The following PGBD2 variants were observed in gnomAD, a reference collection of about 807,000 sequenced individuals.
PGBD2 encodes piggyBac transposable element-derived protein 2.
PGBD2 carries 6 observed loss-of-function variants against 8.1 expected under a neutral mutation model. The ratio of observed to expected loss-of-function variants is 0.74; its 90% CI spans 0.40 to 1.46. PGBD2 has a LOEUF of 1.46. PGBD2 is among the 40% of genes most tolerant of loss of function. The pLI is 0.02. For missense variants in PGBD2, 802 were observed against 739.0 expected (o/e 1.09, Z -0.99); for synonymous variants, 318 against 272.2 (o/e 1.17, Z -1.66).
rs1662114848 is a variant in PGBD2, at chr1:248,916,830, G to A, written c.246G>A (p.Glu82=). 4.3e-6 allele frequency: 7 copies of A among 1,614,060 alleles called. No homozygotes were observed. The East Asian group carries it at 1.3e-4, about 31-fold the overall frequency. Residue 82 remains glutamate (E), a synonymous_variant, in exon 3 of 3, where the codon GAG becomes GAA. Transcript: ENST00000329291. The stretch of plus-strand genomic sequence containing the variant: ...TGCTGCATGCTTCAGTCCTGTGTGA[G>A]GACTCTGGCACCGGGGAGGATAATG... The part of the protein sequence containing the change: ...GSVLHASVLC[E]DSGTGEDNDD...
intron 1 of PGBD2, among the ~76,000 whole-genome samples, chr1:248,912,438 CAA>C (rs1195473505): frequency 1.7e-4 from 26 of 152,266 alleles, no homozygotes; most frequent in African/African-American, 6.3e-4. Context: ...TCAGTTTCCT[CAA>C]TGGTTAAATG....
rs930465656 is a variant in PGBD2, at chr1:248,918,999, A to G, written c.*636A>G. 5 of 167,000 alleles carry G rather than the reference A, an allele frequency of 3.0e-5. No individual in the cohort carries two copies. Among genetic ancestry groups the G allele is most frequent in the Admixed American group, 1.3e-4 (2 of 15,276 alleles). 10.3% of individuals were successfully genotyped at this position (167,000 alleles called of 1,614,324 possible). Reference sequence around the variant, plus strand: ...AGTGTATTTTTATGGGTTACATGAGATATTCTGATACAAACATGCAATGTA... The same window carrying G: ...AGTGTATTTTTATGGGTTACATGAGGTATTCTGATACAAACATGCAATGTA... On this transcript the variant is annotated 3_prime_UTR_variant, in exon 3 of 3. Coordinates refer to ENST00000329291, the MANE Select transcript of PGBD2 (RefSeq NM_170725.3).
At chr1:248,878,320 C>CA in the PGBD2 span, among the ~76,000 whole-genome samples, 1 of 152,020 alleles carries the variant, frequency 6.6e-6, no homozygotes, top group Non-Finnish European at 1.5e-5. Flanking sequence ...GCTGGGACTA[C>CA]GGGGCCCGCC....
At chr1:248,906,770 G>A (rs964476461) in intron 1 of PGBD2, among the ~76,000 whole-genome samples, 4 of 152,050 alleles carry the variant, frequency 2.6e-5, no homozygotes, top group African/African-American at 4.8e-5. Context: ...GGCGCGCTGG[G>A]GGCGGGTCGT....
upstream of PGBD2, among the ~76,000 whole-genome samples, chr1:248,904,074 GT>G (rs11389084): frequency 3.4e-4 from 51 of 148,526 alleles, no homozygotes; most frequent in Non-Finnish European, 4.2e-4. Context: ...TTCTTTTTAT[GT>G]TTTTTTTTTA....
the PGBD2 span, among the ~76,000 whole-genome samples, chr1:248,930,042 C>T: frequency 6.6e-6 from 1 of 152,186 alleles, no homozygotes; most frequent in African/African-American, 2.4e-5. Flanking sequence ...GCAAAAGCTT[C>T]CTGTCTGCTC....
intron 1 of PGBD2, among the ~76,000 whole-genome samples, chr1:248,910,347 AG>A (rs1216184094): frequency 6.6e-6 from 1 of 152,202 alleles, no homozygotes; most frequent in Non-Finnish European, 1.5e-5. Flanking sequence ...ATTGCAGGTG[AG>A]GGGTTTTGAA....
chr1:248,923,708 G>A (rs565024080), downstream of PGBD2, among the ~76,000 whole-genome samples: 45 of 152,250 alleles, frequency 3.0e-4, no homozygotes, highest in South Asian at 4.6e-3. Context: ...CAATATAATC[G>A]TATGTGTTAA....
chr1:248,912,072 T>C (rs976628405), intron 1 of PGBD2, among the ~76,000 whole-genome samples: 1 of 152,176 alleles, frequency 6.6e-6, no homozygotes, highest in African/African-American at 2.4e-5. Flanking sequence ...GTCATCACCA[T>C]TTTGAAAATA....
the PGBD2 span, among the ~76,000 whole-genome samples, chr1:248,894,194 G>T: frequency 6.6e-6 from 1 of 151,928 alleles, no homozygotes; most frequent in East Asian, 1.9e-4. Context: ...TCATTCTTTG[G>T]GTTGTCTTTT....
chr1:248,924,126 A>G (rs1662340086), downstream of PGBD2, among the ~76,000 whole-genome samples: 1 of 152,230 alleles, frequency 6.6e-6, no homozygotes, highest in African/African-American at 2.4e-5. Flanking sequence ...GCGTGGGAGC[A>G]GTGTGAGCCA....
chr1:248,915,704 T>C (rs1662074830), intron 2 of PGBD2, among the ~76,000 whole-genome samples: 1 of 152,190 alleles, frequency 6.6e-6, no homozygotes, highest in Non-Finnish European at 1.5e-5. Flanking sequence ...TTTTCCAAAT[T>C]GATTTGGCTT....
the PGBD2 span, among the ~76,000 whole-genome samples, chr1:248,878,781 TAG>T: frequency 1.3e-5 from 2 of 152,192 alleles, no homozygotes. Flanking sequence ...AGAAGCTCCA[TAG>T]TACACTGCCC....
At chr1:248,925,827 C>T in the PGBD2 span, among the ~76,000 whole-genome samples, 1 of 152,136 alleles carries the variant, frequency 6.6e-6, no homozygotes, top group Admixed American at 6.5e-5. Flanking sequence ...CGGGGGAGTT[C>T]CAAGGCCCTG....
Position 248,917,693 on chromosome 1 carries a change from C to G in PGBD2, c.1109C>G (p.Ala370Gly). The G allele has an allele frequency of 6.2e-7, 1 of 1,614,152 alleles. No homozygotes were observed. The highest frequency in any genetic ancestry group is 1.1e-5 in the South Asian group (1 of 91,088). ...ATTTTGAGGAAAAAGGGGGTGAAAG[C>G]CACAGGAACTGTTCGTGAGTACAGG... ...MSILRKKGVK[A>G]TGTVREYRTE... is the part of the protein sequence containing the mutation. Residue 370 changes from alanine to glycine, a missense_variant, in exon 3 of 3, where the codon GCC (alanine) becomes GGC (glycine). Physicochemically the swap from Ala to Gly is moderately conservative, Grantham distance 60. Coordinates refer to ENST00000329291, the MANE Select transcript of PGBD2 (RefSeq NM_170725.3).
the PGBD2 span, among the ~76,000 whole-genome samples, chr1:248,925,858 C>T: frequency 6.6e-6 from 1 of 152,102 alleles, no homozygotes; most frequent in African/African-American, 2.4e-5. Flanking sequence ...CCTGCTCTTT[C>T]CTTTGGTGAC....
intron 1 of PGBD2, among the ~76,000 whole-genome samples, chr1:248,907,230 G>A (rs573360099): frequency 2.6e-5 from 4 of 152,372 alleles, no homozygotes; most frequent in South Asian, 4.1e-4. Flanking sequence ...GGATGTGCAC[G>A]TAGGCCACAT....
the PGBD2 span, among the ~76,000 whole-genome samples, chr1:248,927,767 C>G: frequency 6.6e-6 from 1 of 152,198 alleles, no homozygotes; most frequent in Non-Finnish European, 1.5e-5. Flanking sequence ...CACTGGAATT[C>G]TATCCTGCTT....
rs777939332 is a variant in PGBD2 at position 248,917,785 on chromosome 1, A to G, written c.1201A>G (p.Lys401Glu). The change falls in exon 3 of 3, where the codon AAA (lysine) becomes GAA (glutamate). Residue 401 changes from lysine (K) to glutamate (E), a missense_variant. Lys to Glu is a moderately conservative substitution (Grantham distance 56). Transcript: ENST00000329291. ...AATGAAGAGGGGTTCATTTGATTAC[A>G]AAGTCGATGAGAGTGAGGAGATCAT... ...KKMKRGSFDYKVDESEEIIVC... is the reference protein window; with the variant it reads ...KKMKRGSFDYEVDESEEIIVC... The G allele has an allele frequency of 5.6e-6, 9 of 1,614,246 alleles. No homozygotes were observed. In the East Asian group the frequency reaches 8.9e-5, roughly 16 times the overall value.
Sources: gnomAD v4.1 joint callset for allele counts (sites outside exome capture counted in the v4.1 genomes callset) on GRCh38, gnomAD v4.1.1 for gene constraint, MANE v1.5 for transcripts, NCBI Gene and HGNC (gene_info 2026-07-23, HGNC 2026-07-21) for gene names.